Variants in NEK5 observed in about 807,000 individuals in gnomAD.
NEK5 encodes the protein NIMA related kinase 5.
Under a neutral mutation model 109.2 loss-of-function variants are expected in NEK5, and 88 were observed. The ratio of observed to expected loss-of-function variants is 0.81; its 90% CI spans 0.68 to 0.96. NEK5 has a LOEUF of 0.96. NEK5 is among the 40% of genes least tolerant of loss of function. NEK5 has a pLI of 0.00. For missense variants in NEK5, 834 were observed against 920.7 expected (o/e 0.91, Z 1.22); for synonymous variants, 283 against 299.9 (o/e 0.94, Z 0.58).
At chr13:52,107,305 G>C (rs1000456787) in intron 8 of NEK5, among the ~76,000 whole-genome samples, 2 of 152,074 alleles carry the variant, frequency 1.3e-5, no homozygotes, top group Admixed American at 1.3e-4. Context: ...AAAAAAGCCA[G>C]TGCCCAGCCA....
At chr13:52,084,460 C>G (rs529214010) in intron 16 of NEK5, among the ~76,000 whole-genome samples, 1 of 152,080 alleles carries the variant, frequency 6.6e-6, no homozygotes, top group Non-Finnish European at 1.5e-5. Context: ...CTCAAGCGAT[C>G]CTTCTGCCTT....
chr13:52,087,659 T>C (rs1955178949), intron 14 of NEK5, among the ~76,000 whole-genome samples: 1 of 152,190 alleles, frequency 6.6e-6, no homozygotes, highest in African/African-American at 2.4e-5. Flanking sequence ...AGCGTCTCAC[T>C]CTGTCACCCA....
At chr13:52,114,653 T>C (rs933394706) in intron 4 of NEK5, among the ~76,000 whole-genome samples, 9 of 152,206 alleles carry the variant, frequency 5.9e-5, no homozygotes, top group Non-Finnish European at 1.3e-4. Flanking sequence ...GGGTGAGAAG[T>C]GCTGTGAAGA....
At chr13:52,092,153 G>A (rs974159118) in intron 13 of NEK5, among the ~76,000 whole-genome samples, 1 of 151,962 alleles carries the variant, frequency 6.6e-6, no homozygotes, top group Non-Finnish European at 1.5e-5. Flanking sequence ...ATGAAGAAGG[G>A]TTACAGGAAA....
Position 52,101,952 on chromosome 13 carries a change from A to G in NEK5, c.873T>C (p.His291=). The G allele has an allele frequency of 6.2e-7, 1 of 1,614,128 alleles. No homozygotes were observed. Among genetic ancestry groups the G allele is most frequent in the Non-Finnish European group, 8.5e-7 (1 of 1,179,966 alleles). ...ACTTACTCTGGACCACCTTCCCAGC[A>G]TGTCGAGAAGCTGGCGCTCCTGCTC... The part of the protein sequence containing the change: ...ICRAGAPASR[H]AGKVVQKCKI... Residue 291 remains histidine, a synonymous_variant, in exon 11 of 24, where the codon CAT becomes CAC. Coordinates refer to ENST00000684899, the MANE Select transcript of NEK5 (RefSeq NM_001365552.1).
chr13:52,122,775 A>C (rs972479617), intron 3 of NEK5, among the ~76,000 whole-genome samples: 1 of 152,220 alleles, frequency 6.6e-6, no homozygotes, highest in African/African-American at 2.4e-5. Context: ...TCAAAAAAAA[A>C]AAAGAGTATA....
chr13:52,115,924 C>T (rs1385176801), intron 4 of NEK5, among the ~76,000 whole-genome samples: 2 of 152,130 alleles, frequency 1.3e-5, no homozygotes, highest in African/African-American at 4.8e-5. Flanking sequence ...AATCCCAGCA[C>T]TTTGGGAGGC....
At chr13:52,100,607 C>T (rs777871563) in intron 11 of NEK5, among the ~76,000 whole-genome samples, 4 of 152,102 alleles carry the variant, frequency 2.6e-5, no homozygotes, top group Non-Finnish European at 4.4e-5. Context: ...AGTAAGGTGG[C>T]TCGCACCTGT....
At chr13:52,072,099 A>G (rs1384199680) in intron 19 of NEK5, 29 bp from the exon 20 acceptor site, 2 of 1,572,660 alleles carry the variant, frequency 1.3e-6, no homozygotes, top group Non-Finnish European at 8.6e-7. Context: ...GTTTCATGAT[A>G]AATTAGCCAT....
chr13:52,043,859 C>A (rs780334256), intron 23 of NEK5, among the ~76,000 whole-genome samples: 2 of 152,150 alleles, frequency 1.3e-5, no homozygotes, highest in Non-Finnish European at 2.9e-5. Context: ...AATAGAATAA[C>A]CACTTTGGAA....
intron 22 of NEK5, among the ~76,000 whole-genome samples, chr13:52,051,582 G>C (rs1393079771): frequency 1.3e-5 from 2 of 152,164 alleles, no homozygotes; most frequent in Admixed American, 1.3e-4. Context: ...AGAGAGAACT[G>C]ATTTTTGTGT....
Position 52,119,552 on chromosome 13 carries a change from A to G in NEK5, c.118-137T>C, listed in dbSNP as rs1594004479. ...ACTTTGAAAACGATCTTTCAATGGC[A>G]GGAAACAACATTTCTAGAATTAGCA... On this transcript the variant is annotated intron_variant, in intron 3 of 23. Coordinates refer to ENST00000684899, the MANE Select transcript of NEK5 (RefSeq NM_001365552.1). 3 of 505,900 alleles carry G rather than the reference A, an allele frequency of 5.9e-6. No individual in the cohort carries two copies. In the South Asian group the frequency reaches 1.1e-4, roughly 18 times the overall value. 31.3% of individuals were successfully genotyped at this position (505,900 alleles called of 1,614,324 possible).
At chr13:52,088,110 G>T (rs1365577236) in intron 14 of NEK5, among the ~76,000 whole-genome samples, 2 of 150,242 alleles carry the variant, frequency 1.3e-5, no homozygotes, top group South Asian at 2.1e-4. Context: ...GTTTTTTTTG[G>T]TAGAGATAAG....
chr13:52,079,204 A>G (rs1481565090), intron 17 of NEK5, among the ~76,000 whole-genome samples: 2 of 148,704 alleles, frequency 1.3e-5, no homozygotes, highest in Non-Finnish European at 3.0e-5. Flanking sequence ...ATATTTCAGT[A>G]GAGAAATAAG....
chr13:52,046,292 C>G (rs940562797), intron 23 of NEK5, among the ~76,000 whole-genome samples: 1 of 147,638 alleles, frequency 6.8e-6, no homozygotes, highest in African/African-American at 2.5e-5. Context: ...GCCTGGGCAA[C>G]ACGGCAAGAC....
chr13:52,092,997 T>G (rs1593967933), intron 13 of NEK5, 57 bp downstream of exon 13: 1 of 1,142,612 alleles, frequency 8.8e-7, no homozygotes, highest in East Asian at 2.5e-5. Flanking sequence ...ATAATAAATG[T>G]TAATATATAA....
intron 13 of NEK5, among the ~76,000 whole-genome samples, chr13:52,090,056 G>A (rs1413844944): frequency 1.3e-5 from 2 of 152,158 alleles, no homozygotes; most frequent in Non-Finnish European, 2.9e-5. Flanking sequence ...AGCAGAATGT[G>A]TCCCTCCATC....
chr13:52,099,956 A>G, intron 11 of NEK5, 80 bp from the exon 12 acceptor site: 2 of 1,081,882 alleles, frequency 1.8e-6, no homozygotes, highest in Non-Finnish European at 2.7e-6. Context: ...GAGTATAAAC[A>G]TAAGCTACAT....
chr13:52,101,223 C>T (rs1464745023), intron 11 of NEK5, among the ~76,000 whole-genome samples: 1 of 152,042 alleles, frequency 6.6e-6, no homozygotes, highest in Non-Finnish European at 1.5e-5. Flanking sequence ...ACAGTGAAAC[C>T]TCGTCTCTAC....
Sources: gnomAD v4.1 joint callset for allele counts (sites outside exome capture counted in the v4.1 genomes callset) on GRCh38, gnomAD v4.1.1 for gene constraint, MANE v1.5 for transcripts, NCBI Gene and HGNC (gene_info 2026-07-23, HGNC 2026-07-21) for gene names.